The following MSH3 variants were observed in gnomAD, a reference collection of about 807,000 sequenced individuals.
MSH3 encodes mutS homolog 3.
In MSH3, 106 loss-of-function variants were observed where a neutral mutation model predicts 123.3. That is an observed-to-expected ratio of 0.86 (90% CI 0.73 to 1.01). The LOEUF is 1.01. Among genes scored for constraint, MSH3 ranks in the 50% least tolerant of loss-of-function variants. MSH3 has a pLI of 0.00. For missense variants in MSH3, 1,459 were observed against 1,347.6 expected, an observed-to-expected ratio of 1.08 and a Z score of -1.29; for synonymous variants, 515 against 481.4, an observed-to-expected ratio of 1.07 and a Z score of -0.91.
chr5:80,775,717 T>A lies in MSH3; in HGVS notation c.2277T>A (p.Ser759=). ...GQEFMIEIKN[S]AVSCIPTDWV... The stretch of plus-strand genomic sequence containing the variant: ...AGTTTATGATAGAAATAAAGAACTC[T>A]GCTGTATCTTGTATACCAACTGATT... Residue 759 remains serine, a synonymous_variant, in exon 16 of 24, where the codon TCT becomes TCA. Transcript: ENST00000265081. The A allele has an allele frequency of 6.3e-7, 1 of 1,585,038 alleles. No homozygotes were observed. The highest frequency in any genetic ancestry group is 1.3e-5 in the African/African-American group (1 of 74,418).
chr5:80,737,144 A>G (rs1743525362), intron 10 of MSH3, among the ~76,000 whole-genome samples: 1 of 152,252 alleles, frequency 6.6e-6, no homozygotes, highest in Non-Finnish European at 1.5e-5. Flanking sequence ...AATATAGTAC[A>G]ATTTATATTT....
intron 20 of MSH3, among the ~76,000 whole-genome samples, chr5:80,851,008 A>G (rs1745821640): frequency 6.6e-6 from 1 of 152,184 alleles, no homozygotes; most frequent in Non-Finnish European, 1.5e-5. Context: ...ATTTTTTAAC[A>G]TTCACTATGT....
chr5:80,661,556 A>C (rs1365226990), intron 2 of MSH3, among the ~76,000 whole-genome samples: 1 of 143,626 alleles, frequency 7.0e-6, no homozygotes, highest in Non-Finnish European at 1.5e-5. Context: ...AAAGCTAAAA[A>C]AAATTCCTTT....
chr5:80,670,009 GC>G (rs1315820798), intron 3 of MSH3, 87 bp from the exon 4 acceptor site: 1 of 1,258,348 alleles, frequency 7.9e-7, no homozygotes, highest in Non-Finnish European at 1.1e-6. Flanking sequence ...CTAAGTGTTA[GC>G]TTTTTGCCAG....
At chr5:80,715,773 C>G (rs1750947738) in intron 8 of MSH3, among the ~76,000 whole-genome samples, 1 of 152,036 alleles carries the variant, frequency 6.6e-6, no homozygotes, top group African/African-American at 2.4e-5. Context: ...CACTTTCAAA[C>G]AACCAGATCT....
chr5:80,758,567 TAAA>T (rs1743971032), intron 12 of MSH3, among the ~76,000 whole-genome samples: 1 of 152,166 alleles, frequency 6.6e-6, no homozygotes, highest in Non-Finnish European at 1.5e-5. Flanking sequence ...AGGTAGTCCT[TAAA>T]GAAGGTTGGG....
intron 12 of MSH3, among the ~76,000 whole-genome samples, chr5:80,760,700 G>A (rs6151786): frequency 6.0e-4 from 91 of 152,310 alleles, no homozygotes; most frequent in African/African-American, 2.2e-3. Context: ...GCTAATATAA[G>A]TTCAATTGGT....
Position 80,672,622 on chromosome 5 carries a change from C to G in MSH3, c.910-119C>G, listed in dbSNP as rs1749748761. On this transcript the variant is annotated intron_variant, in intron 5 of 23. Transcript: ENST00000265081. ...TTGTCAACTCCTTTAAACCCTACATCTGAACGTTGTGGACTGATTATTTTA... is the reference window on the plus strand; with the variant it reads ...TTGTCAACTCCTTTAAACCCTACATGTGAACGTTGTGGACTGATTATTTTA... The G allele has an allele frequency of 3.4e-6, 3 of 879,796 alleles. No homozygotes were observed. The African/African-American group carries it at 5.0e-5, about 15-fold the overall frequency. 54.5% of individuals were successfully genotyped at this position (879,796 alleles called of 1,614,324 possible).
At chr5:80,767,211 CTATT>C (rs1561471022) in intron 13 of MSH3, among the ~76,000 whole-genome samples, 1 of 132,212 alleles carries the variant, frequency 7.6e-6, no homozygotes, top group South Asian at 2.6e-4. Flanking sequence ...ATATTTTTCA[CTATT>C]TGTTAGTCTA....
chr5:80,804,959 G>A lies in MSH3; in HGVS notation c.2656-8625G>A, dbSNP rs764721388. Among the ~76,000 whole-genome samples, 31 of 152,284 alleles carry A rather than the reference G, an allele frequency of 2.0e-4. No individual in the cohort carries two copies. In the Middle Eastern group the frequency reaches 0.01, roughly 50 times the overall value. Reference sequence around the variant, plus strand: ...GATTAGGCAGCCTTGTTCTTTGTTAGCCTTCAACAATAGGGATCTTTTTGG... The same window carrying A: ...GATTAGGCAGCCTTGTTCTTTGTTAACCTTCAACAATAGGGATCTTTTTGG... On this transcript the variant is annotated intron_variant, in intron 19 of 23. Transcript: ENST00000265081.
intron 19 of MSH3, among the ~76,000 whole-genome samples, chr5:80,793,792 T>A (rs779412297): frequency 2.0e-5 from 3 of 152,176 alleles, no homozygotes; most frequent in Non-Finnish European, 1.5e-5. Flanking sequence ...TTAAGAATAC[T>A]AGCAAGAGAG....
At chr5:80,784,275 A>G (rs1410991156) in intron 17 of MSH3, among the ~76,000 whole-genome samples, 3 of 149,442 alleles carry the variant, frequency 2.0e-5, no homozygotes, top group Non-Finnish European at 3.0e-5. Context: ...AGTCGAAGCC[A>G]GAGCAGGAAT....
chr5:80,702,451 G>T (rs183023095), intron 8 of MSH3, among the ~76,000 whole-genome samples: 19 of 152,314 alleles, frequency 1.2e-4, no homozygotes, highest in African/African-American at 4.6e-4. Context: ...TCCTTACCTG[G>T]TGGGAGCCAC....
chr5:80,696,906 AAAAG>A (rs1750495016), intron 8 of MSH3, among the ~76,000 whole-genome samples: 1 of 152,204 alleles, frequency 6.6e-6, no homozygotes, highest in Non-Finnish European at 1.5e-5. Flanking sequence ...CTGATTGAGA[AAAAG>A]AAAATCCTAT....
intron 4 of MSH3, among the ~76,000 whole-genome samples, chr5:80,671,618 T>A (rs1238874651): frequency 6.6e-6 from 1 of 152,138 alleles, no homozygotes; most frequent in Non-Finnish European, 1.5e-5. Flanking sequence ...TGTGAGGGAC[T>A]AATAGAGTTC....
intron 3 of MSH3, among the ~76,000 whole-genome samples, chr5:80,669,584 C>A (rs896232356): frequency 1.3e-5 from 2 of 152,040 alleles, no homozygotes; most frequent in Non-Finnish European, 2.9e-5. Context: ...CCAAGAGAAT[C>A]ATGGTTCTTT....
chr5:80,741,776 T>C (rs956056794), intron 11 of MSH3, among the ~76,000 whole-genome samples: 1 of 152,192 alleles, frequency 6.6e-6, no homozygotes, highest in African/African-American at 2.4e-5. Context: ...AGGGGCATGC[T>C]TATCCTGACA....
chr5:80,819,344 G>C (rs1302010106), intron 20 of MSH3, among the ~76,000 whole-genome samples: 1 of 132,210 alleles, frequency 7.6e-6, no homozygotes, highest in Non-Finnish European at 1.6e-5. Context: ...GTGTGTGTGT[G>C]TATATATATG....
intron 8 of MSH3, among the ~76,000 whole-genome samples, chr5:80,720,785 A>T (rs1447608818): frequency 6.6e-6 from 1 of 151,900 alleles, no homozygotes; most frequent in Non-Finnish European, 1.5e-5. Context: ...TTTTTATGCA[A>T]ATTCATTTTC....
Sources: gnomAD v4.1 joint callset for allele counts (sites outside exome capture counted in the v4.1 genomes callset) on GRCh38, gnomAD v4.1.1 for gene constraint, MANE v1.5 for transcripts, NCBI Gene and HGNC (gene_info 2026-07-23, HGNC 2026-07-21) for gene names.